The following MACC1 variants were observed in gnomAD, a reference collection of about 807,000 sequenced individuals.
MACC1 encodes the protein metastasis-associated in colon cancer protein 1.
A neutral mutation model predicts 70.7 loss-of-function variants in MACC1; 79 were observed. That is an observed-to-expected ratio of 1.12 (90% confidence interval 0.93 to 1.35). MACC1 has a LOEUF of 1.35. MACC1 is among the 40% of genes most tolerant of loss of function. The pLI, the probability that MACC1 is intolerant of heterozygous loss-of-function variation, is 0.00. For synonymous variants in MACC1, 361 were observed against 347.2 expected (o/e 1.04, Z -0.44); for missense variants, 1,106 against 978.1 (o/e 1.13, Z -1.74).
In MACC1 at chr7:20,136,814, A is replaced by C. The variant is rs974548454; in HGVS notation, c.*4132T>G. 6.0e-5 allele frequency: 9 copies of C among 150,758 alleles called. No individual in the cohort carries two copies. The highest frequency in any genetic ancestry group is 1.7e-4 in the African/African-American group (7 of 41,216). 9.3% of individuals were successfully genotyped at this position (150,758 alleles called of 1,614,324 possible). On this transcript the variant is annotated 3_prime_UTR_variant, in exon 7 of 7. Coordinates refer to ENST00000400331, the MANE Select transcript of MACC1 (RefSeq NM_182762.4). ...ATTATTGCGATTAAGGATTATTATT[A>C]ATTCTTAAAGATTAAGATTATTATT...
At chr7:20,216,446 A>G (rs1783071742) in intron 1 of MACC1, among the ~76,000 whole-genome samples, 1 of 152,108 alleles carries the variant, frequency 6.6e-6, no homozygotes, top group Non-Finnish European at 1.5e-5. Context: ...ATTATTGTAC[A>G]GTCTCCAAGT....
At chr7:20,141,729 A>G (rs1781806773) in intron 6 of MACC1, among the ~76,000 whole-genome samples, 2 of 152,182 alleles carry the variant, frequency 1.3e-5, no homozygotes, top group Non-Finnish European at 2.9e-5. Context: ...TTATCATCGA[A>G]AGAAAAACCA....
At chr7:20,202,693 ATTCATGCAGCTGTTGAACATAC>A (rs998335626) in intron 1 of MACC1, among the ~76,000 whole-genome samples, 3 of 152,228 alleles carry the variant, frequency 2.0e-5, no homozygotes, top group Non-Finnish European at 4.4e-5. Context: ...TAATAGCTAC[ATTCATGCAGCTGTTGAACATAC>A]TTCATGTGGC....
intron 1 of MACC1, among the ~76,000 whole-genome samples, chr7:20,185,482 A>T (rs73084509): frequency 7.6e-4 from 14 of 18,416 alleles, no homozygotes; most frequent in South Asian, 1.4e-3. Context: ...AAGTTTATTT[A>T]AAAAAAAAAT....
chr7:20,161,951 G>A (rs554284092), intron 3 of MACC1, 81 bp from the exon 4 acceptor site: 35 of 820,874 alleles, frequency 4.3e-5, no homozygotes, highest in African/African-American at 3.1e-4. Context: ...GACATCATAC[G>A]TATTTCTATA....
At chr7:20,189,223 T>C (rs1782635984) in intron 1 of MACC1, among the ~76,000 whole-genome samples, 1 of 152,274 alleles carries the variant, frequency 6.6e-6, no homozygotes, top group South Asian at 2.1e-4. Flanking sequence ...CTTCTCTGCC[T>C]TATTTTTCTT....
chr7:20,179,851 T>C (rs1782472548), intron 1 of MACC1, among the ~76,000 whole-genome samples: 1 of 152,210 alleles, frequency 6.6e-6, no homozygotes, highest in African/African-American at 2.4e-5. Context: ...GCTCCCACTC[T>C]TGCTTTCACA....
intron 6 of MACC1, among the ~76,000 whole-genome samples, chr7:20,146,720 T>C (rs1781897101): frequency 6.6e-6 from 1 of 152,226 alleles, no homozygotes; most frequent in Non-Finnish European, 1.5e-5. Context: ...ATGCAGAAAC[T>C]CTACACTTGT....
rs372617893 is a variant in MACC1 at position 20,198,887 on chromosome 7, C to G, written c.-218+18412G>C. Among the ~76,000 whole-genome samples, 5 of 152,244 alleles carry G rather than the reference C, an allele frequency of 3.3e-5. No individual in the cohort carries two copies. The South Asian group carries it at 6.2e-4, about 19-fold the overall frequency. The stretch of plus-strand genomic sequence containing the variant: ...GACTCAATGAAAAAGAGAGATCCAC[C>G]AAGGATGCCTAACAAATCTTTTATC... On this transcript the variant is annotated intron_variant, in intron 1 of 6. Coordinates refer to ENST00000400331, the MANE Select transcript of MACC1 (RefSeq NM_182762.4).
At position 20,161,785 on chromosome 7, in the gene MACC1, C is replaced by T. The variant is rs763040798; in HGVS notation, c.78G>A (p.Met26Ile). ...QSMSEANLID[M>I]EAGKLSKSCN... is the part of the protein sequence containing the mutation. ...AACTTTTTGAGAGTTTTCCAGCTTCCATGTCAATCAAATTTGCTTCAGACA... is the reference window on the plus strand; with the variant it reads ...AACTTTTTGAGAGTTTTCCAGCTTCTATGTCAATCAAATTTGCTTCAGACA... Residue 26 changes from methionine (M) to isoleucine (I), a missense_variant, in exon 4 of 7, where the codon ATG becomes ATA. Met to Ile is a conservative substitution (Grantham distance 10). Coordinates refer to ENST00000400331, the MANE Select transcript of MACC1 (RefSeq NM_182762.4). 1.9e-6 allele frequency: 3 copies of T among 1,612,384 alleles called. No homozygotes were observed. The South Asian group carries it at 3.3e-5, about 18-fold the overall frequency.
intron 6 of MACC1, among the ~76,000 whole-genome samples, chr7:20,143,311 G>A (rs947018154): frequency 6.6e-6 from 1 of 152,196 alleles, no homozygotes. Context: ...AAGGTCCGAC[G>A]ACACATCTAC....
At chr7:20,211,711 C>G (rs1782999506) in intron 1 of MACC1, among the ~76,000 whole-genome samples, 1 of 152,158 alleles carries the variant, frequency 6.6e-6, no homozygotes, top group Non-Finnish European at 1.5e-5. Context: ...TTCTCAATAT[C>G]TCATAAAGTT....
rs753750026 is a variant in MACC1 at position 20,159,849 on chromosome 7, A to G, written c.512T>C (p.Leu171Pro). The G allele has an allele frequency of 6.2e-7, 1 of 1,614,156 alleles. No individual in the cohort carries two copies. Among genetic ancestry groups the G allele is most frequent in the South Asian group, 1.1e-5 (1 of 91,078 alleles). ...DQILLHDLEW[L>P]KNDREAYKMA... ...TTTATAAGCCTCCCGATCATTTTTA[A>G]GCCACTCTAAGTCGTGTAGTAGGAT... The change falls in exon 5 of 7, where the codon CTT (leucine) becomes CCT (proline). Residue 171 changes from leucine to proline, a missense_variant. Coordinates refer to ENST00000400331, the MANE Select transcript of MACC1 (RefSeq NM_182762.4).
chr7:20,156,062 TAG>T (rs1466679717), intron 5 of MACC1, among the ~76,000 whole-genome samples: 2 of 152,212 alleles, frequency 1.3e-5, no homozygotes, highest in Non-Finnish European at 2.9e-5. Context: ...TGAAGTGCTT[TAG>T]AGAGTGTCAA....
chr7:20,177,108 G>A (rs1486722111), intron 1 of MACC1, among the ~76,000 whole-genome samples: 2 of 152,128 alleles, frequency 1.3e-5, no homozygotes, highest in Non-Finnish European at 2.9e-5. Flanking sequence ...AGTTATGTAA[G>A]ATGGTCCCTT....
chr7:20,177,204 CA>C lies in MACC1; in HGVS notation c.-217-6427del, dbSNP rs1310263027. Among the ~76,000 whole-genome samples, 11 of 152,056 alleles carry C rather than the reference CA, an allele frequency of 7.2e-5. 1 individual carries two copies. The highest frequency in any genetic ancestry group is 3.3e-4 in the Admixed American group (5 of 15,268). The stretch of plus-strand genomic sequence containing the variant: ...CTATGATTAGTTTAAAATAAAAAGT[CA>C]AAAAACCGGAAATACACAAGCACAG... On this transcript the variant is annotated intron_variant, in intron 1 of 6. Coordinates refer to ENST00000400331, the MANE Select transcript of MACC1 (RefSeq NM_182762.4).
chr7:20,172,628 A>C (rs1160043476), intron 1 of MACC1, among the ~76,000 whole-genome samples: 1 of 152,224 alleles, frequency 6.6e-6, no homozygotes, highest in Non-Finnish European at 1.5e-5. Context: ...TACAAAATAA[A>C]ATACAAAAGA....
chr7:20,158,650 C>T lies in MACC1; in HGVS notation c.1711G>A (p.Glu571Lys), dbSNP rs1782091311. 1 of 1,613,896 alleles carries T rather than the reference C, an allele frequency of 6.2e-7. No individual in the cohort carries two copies. Among genetic ancestry groups the T allele is most frequent in the Non-Finnish European group, 8.5e-7 (1 of 1,179,968 alleles). Reference sequence around the variant, plus strand: ...GCTATTGTGTCCCCTTTGAAATATTCAAGGAAGTAATCAATCTTGCTTTGT... The same window carrying T: ...GCTATTGTGTCCCCTTTGAAATATTTAAGGAAGTAATCAATCTTGCTTTGT... Reference protein sequence around the residue: ...LRQSKIDYFLEYFKGDTIALL... With the variant: ...LRQSKIDYFLKYFKGDTIALL... Residue 571 changes from glutamate to lysine, a missense_variant, in exon 5 of 7, where the codon GAA (glutamate) becomes AAA (lysine). Transcript: ENST00000400331.
chr7:20,141,224 A>T, intron 6 of MACC1, 66 bp from the exon 7 acceptor site: 2 of 1,002,772 alleles, frequency 2.0e-6, no homozygotes, highest in Non-Finnish European at 1.4e-6. Context: ...CGTTTTTAAA[A>T]AAAAGATGTA....
Sources: gnomAD v4.1 joint callset for allele counts (sites outside exome capture counted in the v4.1 genomes callset) on GRCh38, gnomAD v4.1.1 for gene constraint, MANE v1.5 for transcripts, NCBI Gene and HGNC (gene_info 2026-07-23, HGNC 2026-07-21) for gene names.